Variants in DOCK1 observed in about 807,000 individuals in gnomAD.
The protein encoded by DOCK1 is dedicator of cytokinesis 1, also known as dedicator of cytokinesis protein 1.
Under a neutral mutation model 262.7 loss-of-function variants are expected in DOCK1, and 138 were observed. The ratio of observed to expected loss-of-function variants is 0.53; its 90% CI spans 0.46 to 0.61. DOCK1 has a LOEUF of 0.61. Among genes scored for constraint, DOCK1 ranks in the 20% least tolerant of loss-of-function variants. The probability of loss-of-function intolerance (pLI) is 0.00; values close to 1 mark genes in which losing one functional copy is unlikely to be tolerated. For missense variants in DOCK1, 1,908 were observed against 2,370.7 expected (o/e 0.80, Z 4.05); for synonymous variants, 866 against 867.4 (o/e 1.00, Z 0.03).
chr10:127,310,621 G>A (rs748183119), intron 29 of DOCK1, among the ~76,000 whole-genome samples: 3 of 152,186 alleles, frequency 2.0e-5, no homozygotes, highest in Admixed American at 1.3e-4. Flanking sequence ...TCTCTAAATT[G>A]CTTTGCTTGC....
At chr10:127,078,046 C>G (rs557943957) in intron 23 of DOCK1, among the ~76,000 whole-genome samples, 1 of 152,016 alleles carries the variant, frequency 6.6e-6, no homozygotes, top group Non-Finnish European at 1.5e-5. Flanking sequence ...GGAATTTGGA[C>G]GAGGAGGTGC....
At chr10:127,250,372 CT>C (rs2059583050) in intron 28 of DOCK1, among the ~76,000 whole-genome samples, 1 of 152,210 alleles carries the variant, frequency 6.6e-6, no homozygotes, top group Admixed American at 6.5e-5. Flanking sequence ...TGCCCTCTGT[CT>C]TTGCTCACAT....
intron 27 of DOCK1, among the ~76,000 whole-genome samples, chr10:127,231,222 G>A (rs966581292): frequency 2.7e-5 from 4 of 149,010 alleles, no homozygotes; most frequent in Non-Finnish European, 4.4e-5. Context: ...TTTAGCGAAT[G>A]GGTAGACTGA....
intron 1 of DOCK1, among the ~76,000 whole-genome samples, chr10:126,969,721 C>G (rs552912268): frequency 6.6e-6 from 1 of 152,122 alleles, no homozygotes; most frequent in Admixed American, 6.5e-5. Flanking sequence ...TGGCTTCTTT[C>G]CTTCAGTAGA....
chr10:127,134,618 C>T (rs2133184909), intron 27 of DOCK1, among the ~76,000 whole-genome samples: 1 of 152,164 alleles, frequency 6.6e-6, no homozygotes. Flanking sequence ...TTTGAGGCAG[C>T]ACCAATAGTT....
chr10:126,991,165 T>C (rs114404414), intron 6 of DOCK1, among the ~76,000 whole-genome samples: 1,845 of 152,292 alleles, frequency 0.012, 54 homozygotes, highest in African/African-American at 0.042. Flanking sequence ...TTCCCATCCA[T>C]AGCAGGCATC....
intron 22 of DOCK1, among the ~76,000 whole-genome samples, chr10:127,055,225 G>C (rs527703521): frequency 3.9e-5 from 6 of 151,952 alleles, no homozygotes; most frequent in South Asian, 4.2e-4. Context: ...ATGCACCTGC[G>C]TGAGGACTCA....
chr10:127,400,946 C>T (rs1210503262), intron 38 of DOCK1, among the ~76,000 whole-genome samples: 1 of 152,118 alleles, frequency 6.6e-6, no homozygotes, highest in Non-Finnish European at 1.5e-5. Context: ...AGGGGAGAAA[C>T]CTGAATTCTG....
chr10:127,349,269 C>T (rs1192230647), intron 31 of DOCK1, among the ~76,000 whole-genome samples: 1 of 152,004 alleles, frequency 6.6e-6, no homozygotes, highest in South Asian at 2.1e-4. Context: ...TCAGCCAGGT[C>T]CTGGCTGCCC....
At chr10:127,284,323 C>A (rs1171670016) in intron 29 of DOCK1, among the ~76,000 whole-genome samples, 5 of 151,976 alleles carry the variant, frequency 3.3e-5, no homozygotes, top group Non-Finnish European at 7.4e-5. Context: ...TAATTTATAT[C>A]TTTCCATCTT....
At chr10:127,133,262 A>G (rs936728365) in intron 27 of DOCK1, among the ~76,000 whole-genome samples, 4 of 152,196 alleles carry the variant, frequency 2.6e-5, no homozygotes, top group Non-Finnish European at 5.9e-5. Context: ...CAAGACTCAT[A>G]ACCAAATATT....
chr10:127,398,742 C>T (rs1248210818), intron 38 of DOCK1, among the ~76,000 whole-genome samples: 1 of 152,188 alleles, frequency 6.6e-6, no homozygotes, highest in Non-Finnish European at 1.5e-5. Flanking sequence ...AAACCAGAGT[C>T]GCCCACCAGT....
intron 29 of DOCK1, among the ~76,000 whole-genome samples, chr10:127,333,203 G>A (rs1243947138): frequency 6.6e-6 from 1 of 152,196 alleles, no homozygotes; most frequent in Non-Finnish European, 1.5e-5. Flanking sequence ...TCATATTGAA[G>A]TGTACAAGCT....
Position 127,075,771 on chromosome 10 carries a change from C to T in DOCK1, c.2445+13995C>T, listed in dbSNP as rs575594760. Among the ~76,000 whole-genome samples, 17 of 152,240 alleles carry T rather than the reference C, an allele frequency of 1.1e-4. No individual in the cohort carries two copies. The East Asian group carries it at 3.1e-3, about 28-fold the overall frequency. On this transcript the variant is annotated intron_variant, in intron 23 of 51. Transcript: ENST00000623213. ...GCCCCCGTGATTTAGTCACTTCCCA[C>T]CATGCCGCTCACCCGACACGTGGGG...
chr10:127,069,590 A>G (rs1236207932), intron 23 of DOCK1, among the ~76,000 whole-genome samples: 2 of 152,168 alleles, frequency 1.3e-5, no homozygotes, highest in African/African-American at 2.4e-5. Flanking sequence ...TCAGGAATCT[A>G]TTTGAGAGTC....
intron 2 of DOCK1, among the ~76,000 whole-genome samples, chr10:126,972,436 T>C (rs1205697163): frequency 6.6e-6 from 1 of 152,216 alleles, no homozygotes; most frequent in Non-Finnish European, 1.5e-5. Flanking sequence ...GGTGAGATTG[T>C]GTTTTCTTAT....
intron 1 of DOCK1, among the ~76,000 whole-genome samples, chr10:126,934,724 C>G (rs1422749643): frequency 6.8e-6 from 1 of 146,718 alleles, no homozygotes; most frequent in Non-Finnish European, 1.5e-5. Flanking sequence ...CACAGCTAGT[C>G]ACAGCCTATT....
chr10:127,093,510 G>A (rs965218448), intron 23 of DOCK1, among the ~76,000 whole-genome samples: 13 of 151,588 alleles, frequency 8.6e-5, no homozygotes, highest in African/African-American at 2.4e-4. Flanking sequence ...GTGCCATTGC[G>A]CCCACCTAAT....
chr10:127,266,795 G>A (rs2060376558), intron 29 of DOCK1, among the ~76,000 whole-genome samples: 1 of 152,174 alleles, frequency 6.6e-6, no homozygotes, highest in African/African-American at 2.4e-5. Context: ...TACAGCTCAT[G>A]CACTTAATAA....
Sources: allele counts gnomAD v4.1 joint callset (sites outside exome capture counted in the v4.1 genomes callset), GRCh38; gene constraint gnomAD v4.1.1; transcripts MANE v1.5; gene names NCBI Gene and HGNC (gene_info 2026-07-23, HGNC 2026-07-21).